STEAP3: variants seen among roughly 807,000 people sequenced by gnomAD.
STEAP3 encodes the protein metalloreductase STEAP3.
A neutral mutation model predicts 34.9 loss-of-function variants in STEAP3; 35 were observed. The observed-to-expected ratio is 1.00, with a 90% CI of 0.76 to 1.33. STEAP3 has a LOEUF of 1.33. Among genes scored for constraint, STEAP3 ranks in the 40% most tolerant of loss-of-function variants. The pLI, the probability that STEAP3 is intolerant of heterozygous loss-of-function variation, is 0.00. For missense variants in STEAP3, 652 were observed against 667.6 expected (o/e 0.98, Z 0.26); for synonymous variants, 281 against 301.6 (o/e 0.93, Z 0.71).
chr2:119,260,571 C>T (rs1207017055), intron 5 of STEAP3, among the ~76,000 whole-genome samples: 4 of 152,202 alleles, frequency 2.6e-5, no homozygotes, highest in Non-Finnish European at 5.9e-5. Context: ...GCTGGGATTA[C>T]AGGCGTGAGC....
intron 4 of STEAP3, among the ~76,000 whole-genome samples, chr2:119,254,066 T>C (rs1677703129): frequency 6.6e-6 from 1 of 151,966 alleles, no homozygotes; most frequent in Admixed American, 6.6e-5. Flanking sequence ...GCTCAGTGTC[T>C]GTATGTGTCT....
Position 119,248,204 on chromosome 2 carries a change from C to A in STEAP3, c.1048C>A (p.Gln350Lys). ...CGACCTGGTCAACCTGGCAGTCAAGCAGGTACCCACCCCATGCCCTTCCTC... is the reference window on the plus strand; with the variant it reads ...CGACCTGGTCAACCTGGCAGTCAAGAAGGTACCCACCCCATGCCCTTCCTC... ...RYDLVNLAVK[Q>K]VLANKSHLWV... The change falls in exon 4 of 6, where the codon CAG becomes AAG. Residue 350 changes from glutamine to lysine, a missense_variant and splice_region_variant. By Grantham distance (53) the Gln-to-Lys change is moderately conservative. Transcript: ENST00000393110. 1 of 1,578,970 alleles carries A rather than the reference C, an allele frequency of 6.3e-7. No homozygotes were observed.
chr2:119,233,832 G>C (rs1677014066), intron 2 of STEAP3, among the ~76,000 whole-genome samples: 1 of 152,192 alleles, frequency 6.6e-6, no homozygotes, highest in Admixed American at 6.5e-5. Flanking sequence ...TTGAGCTCTT[G>C]GGACCCTGGC....
At chr2:119,225,032 C>T (rs1215934181) in intron 1 of STEAP3, among the ~76,000 whole-genome samples, 1 of 152,170 alleles carries the variant, frequency 6.6e-6, no homozygotes, top group African/African-American at 2.4e-5. Flanking sequence ...TGTGTCCTCA[C>T]GGGGATTCTG....
In STEAP3 at chr2:119,245,735, C is replaced by T; in HGVS notation, c.269C>T (p.Ala90Val). 1 of 1,614,242 alleles carries T rather than the reference C, an allele frequency of 6.2e-7. No homozygotes were observed. Among genetic ancestry groups the T allele is most frequent in the South Asian group, 1.1e-5 (1 of 91,084 alleles). ...SAAQVTFQEE[A>V]VSSPEVIFVA... ...GCCCAAGTGACTTTCCAAGAGGAGG[C>T]AGTGAGCTCCCCGGAGGTCATCTTT... Residue 90 changes from alanine to valine, a missense_variant, in exon 3 of 6, where the codon GCA becomes GTA. Transcript: ENST00000393110.
At chr2:119,246,249 CT>C in intron 3 of STEAP3, 1 of 479,730 alleles carries the variant, frequency 2.1e-6, no homozygotes, top group Non-Finnish European at 3.7e-6. Flanking sequence ...ACAGGGTTTC[CT>C]AGAGGGCAAG....
chr2:119,248,072 G>A lies in STEAP3; in HGVS notation c.916G>A (p.Asp306Asn). 5 of 1,608,458 alleles carry A rather than the reference G, an allele frequency of 3.1e-6. No individual in the cohort carries two copies. The highest frequency in any genetic ancestry group is 4.2e-6 in the Non-Finnish European group (5 of 1,179,890). Residue 306 changes from aspartate (D) to asparagine (N), a missense_variant, in exon 4 of 6, where the codon GAC (aspartate) becomes AAC (asparagine). Asp to Asn is a conservative substitution (Grantham distance 23, BLOSUM62 1). Transcript: ENST00000393110. ...GTACCAGCGCTTCCCCGACTGGCTG[G>A]ACCACTGGCTACAGCACCGCAAGCA... is the stretch of plus-strand genomic sequence containing the variant. ...TKYQRFPDWL[D>N]HWLQHRKQIG... is the part of the protein sequence containing the mutation.
chr2:119,247,544 C>A, intron 3 of STEAP3, 135 bp from the exon 4 acceptor site: 1 of 1,068,294 alleles, frequency 9.4e-7, no homozygotes, highest in Non-Finnish European at 1.3e-6. Context: ...TTGGCTCCCA[C>A]CTGTACCATT....
In STEAP3 at chr2:119,264,430, A is replaced by T. The variant is rs1678044635; in HGVS notation, c.*1092A>T. ...CCACACTGGCTCCAACTTCCTCCTC[A>T]TGGGGCATTACACTTCAAAACAGTG... On this transcript the variant is annotated 3_prime_UTR_variant, in exon 6 of 6. Transcript: ENST00000393110. The T allele has an allele frequency of 6.6e-6, 1 of 152,192 alleles. No homozygotes were observed. The highest frequency in any genetic ancestry group is 1.5e-5 in the Non-Finnish European group (1 of 68,054). 9.4% of individuals were successfully genotyped at this position (152,192 alleles called of 1,614,324 possible).
In STEAP3 at chr2:119,245,517, G is replaced by C; in HGVS notation, c.51G>C (p.Lys17Asn). 1 of 1,591,554 alleles carries C rather than the reference G, an allele frequency of 6.3e-7. No individual in the cohort carries two copies. Among genetic ancestry groups the C allele is most frequent in the Non-Finnish European group, 8.6e-7 (1 of 1,162,486 alleles). Residue 17 changes from lysine to asparagine, a missense_variant, in exon 3 of 6, where the codon AAG becomes AAC. Physicochemically the swap from Lys to Asn is moderately conservative, Grantham distance 94 (BLOSUM62 0). Coordinates refer to ENST00000393110, the MANE Select transcript of STEAP3 (RefSeq NM_182915.3). ...VATKMPEEMDKPLISLHLVDS... is the reference protein window; with the variant it reads ...VATKMPEEMDNPLISLHLVDS... ...CCAAAATGCCAGAAGAGATGGACAA[G>C]CCACTGATCAGCCTCCACCTGGTGG...
Position 119,263,402 on chromosome 2 carries a change from T to G in STEAP3, c.*64T>G. ...GACGGTGCCCTGAGCCCGTTAGGTT[T>G]TCTTTTCTTGGTGGTGCAAAGTGGT... On this transcript the variant is annotated 3_prime_UTR_variant, in exon 6 of 6. Transcript: ENST00000393110. The G allele has an allele frequency of 6.4e-7, 1 of 1,561,090 alleles. No individual in the cohort carries two copies. Among genetic ancestry groups the G allele is most frequent in the Non-Finnish European group, 8.7e-7 (1 of 1,154,588 alleles).
chr2:119,249,669 G>A (rs1395157680), intron 4 of STEAP3, among the ~76,000 whole-genome samples: 2 of 152,166 alleles, frequency 1.3e-5, no homozygotes, highest in African/African-American at 4.8e-5. Flanking sequence ...GGACTGGGAA[G>A]CAGGGCTGGG....
At position 119,264,811 on chromosome 2, in the gene STEAP3, C is replaced by T. The variant is rs12476967; in HGVS notation, c.*1473C>T. ...CAGATGAGGCTGCCCCTGCCCCCCCCCCGCCAGGGAGGTTTCATGAGCTCA... is the reference window on the plus strand; with the variant it reads ...CAGATGAGGCTGCCCCTGCCCCCCCTCCGCCAGGGAGGTTTCATGAGCTCA... On this transcript the variant is annotated 3_prime_UTR_variant, in exon 6 of 6. Transcript: ENST00000393110. 8,544 of 128,304 alleles carry T rather than the reference C, an allele frequency of 0.067. 309 individuals are homozygous for T. The highest frequency in any genetic ancestry group is 0.085 in the African/African-American group (2,986 of 35,196). 7.9% of individuals were successfully genotyped at this position (128,304 alleles called of 1,614,324 possible). A position where few individuals can be genotyped will look rare whatever the true frequency, so the allele number is the denominator to read the frequency against.
chr2:119,230,927 G>C lies in STEAP3; in HGVS notation c.-86G>C. 6 of 1,581,196 alleles carry C rather than the reference G, an allele frequency of 3.8e-6. No homozygotes were observed. Among genetic ancestry groups the C allele is most frequent in the Non-Finnish European group, 5.2e-6 (6 of 1,150,038 alleles). On this transcript the variant is annotated 5_prime_UTR_variant, in exon 2 of 6. Coordinates refer to ENST00000393110, the MANE Select transcript of STEAP3 (RefSeq NM_182915.3). ...GTCAGAACCAAAGCCAGGCTGTCCT[G>C]GTTGGAGACTGAGCCAGAAAGGGTG...
At chr2:119,228,869 G>T (rs1010173986) in intron 1 of STEAP3, among the ~76,000 whole-genome samples, 2 of 152,106 alleles carry the variant, frequency 1.3e-5, no homozygotes, top group Non-Finnish European at 2.9e-5. Context: ...ACCCCAGGGG[G>T]CAGCTGTCAC....
At chr2:119,262,394 T>A (rs1215121679) in intron 5 of STEAP3, among the ~76,000 whole-genome samples, 1 of 151,732 alleles carries the variant, frequency 6.6e-6, no homozygotes, top group Non-Finnish European at 1.5e-5. Context: ...AGAGACAGGG[T>A]CTTGCTCTGT....
Position 119,245,562 on chromosome 2 carries a change from C to G in STEAP3, c.96C>G (p.Ala32=). The G allele has an allele frequency of 2.5e-6, 4 of 1,604,120 alleles. No homozygotes were observed. Among genetic ancestry groups the G allele is most frequent in the Non-Finnish European group, 3.4e-6 (4 of 1,171,724 alleles). Reference sequence around the variant, plus strand: ...TGGTGGACAGCGATAGTAGCCTTGCCAAGGTCCCCGATGAGGCCCCCAAAG... The same window carrying G: ...TGGTGGACAGCGATAGTAGCCTTGCGAAGGTCCCCGATGAGGCCCCCAAAG... ...LHLVDSDSSL[A]KVPDEAPKVG... Residue 32 remains alanine (A), a synonymous_variant, in exon 3 of 6, where the codon GCC becomes GCG. Transcript: ENST00000393110.
chr2:119,227,129 G>T (rs961506659), intron 1 of STEAP3, among the ~76,000 whole-genome samples: 4 of 152,162 alleles, frequency 2.6e-5, no homozygotes, highest in Non-Finnish European at 5.9e-5. Context: ...TGCCCTCTGC[G>T]TACTTGCGAA....
Position 119,260,064 on chromosome 2 carries a change from G to C in STEAP3, c.1216-2993G>C, listed in dbSNP as rs147707805. ...CAAACCAACTTAATCTGAATTTCTG[G>C]AAGTGGGGTTTGGGCACTAGTATTT... On this transcript the variant is annotated intron_variant, in intron 5 of 5. Transcript: ENST00000393110. Among the ~76,000 whole-genome samples the C allele has an allele frequency of 1.2e-4, 18 of 152,322 alleles. No homozygotes were observed. In the East Asian group the frequency reaches 3.5e-3, roughly 29 times the overall value.
Sources: allele counts gnomAD v4.1 joint callset (sites outside exome capture counted in the v4.1 genomes callset), GRCh38; gene constraint gnomAD v4.1.1; transcripts MANE v1.5; gene names NCBI Gene and HGNC (gene_info 2026-07-23, HGNC 2026-07-21).